MDC1: variants seen among roughly 807,000 people sequenced by gnomAD.
The protein encoded by MDC1 is mediator of DNA damage checkpoint protein 1.
A neutral mutation model predicts 142.5 loss-of-function variants in MDC1; 81 were observed. That is an observed-to-expected ratio of 0.57 (90% CI 0.47 to 0.68). The LOEUF (loss-of-function observed/expected upper bound fraction) is 0.68, where lower values mean the gene tolerates loss of function less well. Among genes scored for constraint, MDC1 ranks in the 30% least tolerant of loss-of-function variants. The pLI is 0.00. For synonymous variants in MDC1, 797 were observed against 968.4 expected (o/e 0.82, Z 3.29); for missense variants, 2,119 against 2,547.9 (o/e 0.83, Z 3.62).
chr6:30,708,966 G>A (rs1774402219), intron 7 of MDC1, among the ~76,000 whole-genome samples: 1 of 150,308 alleles, frequency 6.7e-6, no homozygotes, highest in Non-Finnish European at 1.5e-5. Flanking sequence ...GAGTGACAGA[G>A]ACCCTGTCTC....
rs1371318631 is a variant in MDC1, at chr6:30,702,829, C to T, written c.5914G>A (p.Asp1972Asn). ...FLPPDEYVVT[D>N]PEQEKNFGFS... ...CCAAAGTTCTTCTCTTGCTCAGGGT[C>T]GGTCACCACATATTCATCCGGGGGT... The change falls in exon 13 of 15, where the codon GAC (aspartate) becomes AAC (asparagine). Residue 1972 changes from aspartate to asparagine, a missense_variant. Physicochemically the swap from Asp to Asn is conservative, Grantham distance 23. Coordinates refer to ENST00000376406, the MANE Select transcript of MDC1 (RefSeq NM_014641.3). 14 of 1,612,996 alleles carry T rather than the reference C, an allele frequency of 8.7e-6. No individual in the cohort carries two copies. The highest frequency in any genetic ancestry group is 2.7e-5 in the African/African-American group (2 of 74,918).
chr6:30,713,105 C>T lies in MDC1; in HGVS notation c.837G>A (p.Gly279=). ...TCACCCCAGCTGGAACCACCCCATTCCCTGCACCCCTCTTGACTTTTGTAT... is the reference window on the plus strand; with the variant it reads ...TCACCCCAGCTGGAACCACCCCATTTCCTGCACCCCTCTTGACTTTTGTAT... ...DNDTKVKRGA[G]NGVVPAGVIL... The change falls in exon 5 of 15, where the codon GGG becomes GGA. Residue 279 remains glycine (G), a synonymous_variant. Coordinates refer to ENST00000376406, the MANE Select transcript of MDC1 (RefSeq NM_014641.3). This position sits in a 1 kb window ranked among gnomAD's most constrained non-coding sequence, Gnocchi z 4.9. The T allele has an allele frequency of 6.2e-7, 1 of 1,613,138 alleles. No individual in the cohort carries two copies. The highest frequency in any genetic ancestry group is 1.1e-5 in the South Asian group (1 of 91,086).
rs1387622112 is a variant in MDC1, at chr6:30,707,871, TTC to T, written c.2706_2707del (p.Lys903ThrfsTer13). On this transcript the variant is annotated frameshift_variant, in exon 8 of 15. Transcript: ENST00000376406. LOFTEE classifies it high-confidence loss of function. ...TGGAAGGGTCTGCTTCTGTACTTGTTTCTCTTGTATTTCCTCAGATGTCTCAA... is the reference window on the plus strand; with the variant it reads ...TGGAAGGGTCTGCTTCTGTACTTGTTTCTTGTATTTCCTCAGATGTCTCAA... The T allele has an allele frequency of 6.2e-7, 1 of 1,613,110 alleles. No individual in the cohort carries two copies. Among genetic ancestry groups the T allele is most frequent in the Non-Finnish European group, 8.5e-7 (1 of 1,180,034 alleles).
chr6:30,705,318 G>T lies in MDC1; in HGVS notation c.3865C>A (p.Pro1289Thr), dbSNP rs564228391. ...KTPEPVVPTA[P>T]ELRPSTSTDR... ...GTGGAGGTGGAAGGCCGGAGCTCAGGGGCTGTGGGCACAACTGGTTCAGGG... is the reference window on the plus strand; with the variant it reads ...GTGGAGGTGGAAGGCCGGAGCTCAGTGGCTGTGGGCACAACTGGTTCAGGG... The change falls in exon 10 of 15, where the codon CCT becomes ACT. Residue 1289 changes from proline (P) to threonine (T), a missense_variant. Transcript: ENST00000376406. The T allele has an allele frequency of 2.8e-5, 45 of 1,603,504 alleles. No individual in the cohort carries two copies. The highest frequency in any genetic ancestry group is 2.3e-4 in the East Asian group (10 of 43,584).
At position 30,712,554 on chromosome 6, in the gene MDC1, G is replaced by GGAAAT. The variant is rs1303646104; in HGVS notation, c.1387_1388insATTTC (p.Pro463HisfsTer78). The stretch of plus-strand genomic sequence containing the variant: ...GAGGACAGCTTCTCTATTTTCCACT[G>GGAAAT]GGAGCTCTTCCTCCTCCACGTCTGT... On this transcript the variant is annotated frameshift_variant, in exon 5 of 15. Coordinates refer to ENST00000376406, the MANE Select transcript of MDC1 (RefSeq NM_014641.3). LOFTEE classifies it high-confidence loss of function. This position sits in a 1 kb window ranked among gnomAD's most constrained non-coding sequence, Gnocchi z 4.7. The GGAAAT allele has an allele frequency of 6.2e-7, 1 of 1,613,034 alleles. No homozygotes were observed. The highest frequency in any genetic ancestry group is 1.1e-5 in the South Asian group (1 of 91,070).
chr6:30,705,339 C>T lies in MDC1; in HGVS notation c.3844G>A (p.Glu1282Lys). 6.2e-7 allele frequency: 1 copy of T among 1,603,682 alleles called. No homozygotes were observed. Among genetic ancestry groups the T allele is most frequent in the Non-Finnish European group, 8.5e-7 (1 of 1,176,212 alleles). ...RKNRSSVKTPEPVVPTAPELR... is the reference protein window; with the variant it reads ...RKNRSSVKTPKPVVPTAPELR... ...TCAGGGGCTGTGGGCACAACTGGTTCAGGGGTCTTGACAGAGGATCTATTT... is the reference window on the plus strand; with the variant it reads ...TCAGGGGCTGTGGGCACAACTGGTTTAGGGGTCTTGACAGAGGATCTATTT... Residue 1282 changes from glutamate (E) to lysine (K), a missense_variant, in exon 10 of 15, where the codon GAA becomes AAA. Coordinates refer to ENST00000376406, the MANE Select transcript of MDC1 (RefSeq NM_014641.3).
chr6:30,706,174 T>C (rs886339402), intron 9 of MDC1, 76 bp from the exon 10 acceptor site: 5 of 1,275,336 alleles, frequency 3.9e-6, no homozygotes, highest in Non-Finnish European at 5.4e-6. Context: ...TCTTGATACT[T>C]GTTTATGGTT....
At chr6:30,714,513 A>AT (rs201352106) in intron 2 of MDC1, among the ~76,000 whole-genome samples, 3,972 of 141,580 alleles carry the variant, frequency 0.028, 67 homozygotes, top group Middle Eastern at 0.074. Context: ...ATTTTATTTG[A>AT]TTTTTTTTTT....
At chr6:30,702,294 A>G (rs1424543760) in intron 14 of MDC1, among the ~76,000 whole-genome samples, 1 of 151,284 alleles carries the variant, frequency 6.6e-6, no homozygotes, top group East Asian at 1.9e-4. Context: ...AAATCAAAGG[A>G]AAAAAGGGAT....
chr6:30,713,891 G>A lies in MDC1; in HGVS notation c.429C>T (p.Gly143=). 2 of 1,613,834 alleles carry A rather than the reference G, an allele frequency of 1.2e-6. No homozygotes were observed. Among genetic ancestry groups the A allele is most frequent in the South Asian group, 1.1e-5 (1 of 91,080 alleles). Residue 143 remains glycine (G), a synonymous_variant, in exon 3 of 15, where the codon GGC becomes GGT. Coordinates refer to ENST00000376406, the MANE Select transcript of MDC1 (RefSeq NM_014641.3). The surrounding 1 kb of genome is among the most constrained non-coding windows in gnomAD (Gnocchi z 4.9). Reference sequence around the variant, plus strand: ...TGGGTGTCTCTTCTACTGTCAGAGGGCCCCGGGAGACAAAGGGCAGAGAGA... The same window carrying A: ...TGGGTGTCTCTTCTACTGTCAGAGGACCCCGGGAGACAAAGGGCAGAGAGA... ...LDVSLPFVSR[G]PLTVEETPRV... is the part of the protein sequence containing the mutation.
intron 7 of MDC1, among the ~76,000 whole-genome samples, chr6:30,708,595 T>C (rs2127697389): frequency 6.6e-6 from 1 of 152,184 alleles, no homozygotes; most frequent in African/African-American, 2.4e-5. Context: ...GGCTCAGACA[T>C]GTAATCCCAG....
chr6:30,703,697 C>T lies in MDC1; in HGVS notation c.5486G>A (p.Arg1829Lys). The change falls in exon 10 of 15, where the codon AGA becomes AAA. Residue 1829 changes from arginine (R) to lysine (K), a missense_variant. Coordinates refer to ENST00000376406, the MANE Select transcript of MDC1 (RefSeq NM_014641.3). This position sits in a 1 kb window ranked among gnomAD's most constrained non-coding sequence, Gnocchi z 4.4. ...CACTGTCTTCTGGGAGACTTCCCCT[C>T]TTTGGGGCTGTTTTTGATGTGGTGG... is the stretch of plus-strand genomic sequence containing the variant. ...DSPPHQKQPQ[R>K]GEVSQKTVII... The T allele has an allele frequency of 6.5e-7, 1 of 1,542,924 alleles. No homozygotes were observed. Among genetic ancestry groups the T allele is most frequent in the Non-Finnish European group, 8.7e-7 (1 of 1,149,642 alleles).
At position 30,707,827 on chromosome 6, in the gene MDC1, C is replaced by T. The variant is rs759668019; in HGVS notation, c.2752G>A (p.Glu918Lys). The change falls in exon 8 of 15, where the codon GAA becomes AAA. Residue 918 changes from glutamate to lysine, a missense_variant. By Grantham distance (56) the Glu-to-Lys change is moderately conservative. Coordinates refer to ENST00000376406, the MANE Select transcript of MDC1 (RefSeq NM_014641.3). ...QTLPSKAFER[E>K]VERPVANREC... ...CTGTTTGCTACTGGTCTCTCTACTT[C>T]TCTCTCAAATGCTTTGCTTGGAAGG... The T allele has an allele frequency of 3.7e-6, 6 of 1,613,124 alleles. No homozygotes were observed. The highest frequency in any genetic ancestry group is 1.7e-5 in the Admixed American group (1 of 60,024).
chr6:30,702,269 A>G (rs1469031045), intron 14 of MDC1, among the ~76,000 whole-genome samples: 1 of 150,854 alleles, frequency 6.6e-6, no homozygotes, highest in Non-Finnish European at 1.5e-5. Context: ...AAAAAAAAAA[A>G]AAAAAAAAAA....
rs1178733384 is a variant in MDC1, at chr6:30,709,869, C to T, written c.2222-1512G>A. 1.3e-5 allele frequency among the ~76,000 whole-genome samples: 2 copies of T among 152,136 alleles called. No individual in the cohort carries two copies. Among genetic ancestry groups the T allele is most frequent in the Non-Finnish European group, 1.5e-5 (1 of 68,030 alleles). On this transcript the variant is annotated intron_variant, in intron 7 of 14. Transcript: ENST00000376406. The surrounding 1 kb of genome is among the most constrained non-coding windows in gnomAD (Gnocchi z 4.2). ...TCTTCTGTTGCTGAATACTGTTCCA[C>T]TGTGTATATATACACATTTTCTTTT...
chr6:30,705,875 G>T lies in MDC1; in HGVS notation c.3308C>A (p.Pro1103Gln). The change falls in exon 10 of 15, where the codon CCA becomes CAA. Residue 1103 changes from proline to glutamine, a missense_variant. Pro to Gln is a moderately conservative substitution (Grantham distance 76). Coordinates refer to ENST00000376406, the MANE Select transcript of MDC1 (RefSeq NM_014641.3). ...PLSSELEPFH[P>Q]KPKIRTRKSS... is the part of the protein sequence containing the mutation. Reference sequence around the variant, plus strand: ...CTTCCGAGTTCTAATTTTAGGCTTTGGGTGGAAAGGCTCCAGCTCTGAGGA... The same window carrying T: ...CTTCCGAGTTCTAATTTTAGGCTTTTGGTGGAAAGGCTCCAGCTCTGAGGA... 1 of 1,610,996 alleles carries T rather than the reference G, an allele frequency of 6.2e-7. No homozygotes were observed.
rs1383460368 is a variant in MDC1 at position 30,703,651 on chromosome 6, T to TTCTTCC, written c.5526_5531dup (p.Glu1843_Glu1844dup). The TTCTTCC allele has an allele frequency of 6.4e-7, 1 of 1,566,476 alleles. No homozygotes were observed. The highest frequency in any genetic ancestry group is 8.6e-7 in the Non-Finnish European group (1 of 1,160,072). On this transcript the variant is annotated inframe_insertion, in exon 10 of 15. Transcript: ENST00000376406. This position sits in a 1 kb window ranked among gnomAD's most constrained non-coding sequence, Gnocchi z 4.4. ...CCTTCCCTGGCTTCTCTGCAGTATC[T>TTCTTCC]TCTTCCTCTTCCTTGATAATCACTG...
rs1775179797 is a variant in MDC1 at position 30,713,203 on chromosome 6, G to T, written c.739C>A (p.Gln247Lys). ...ARRGATVEAK[Q>K]SEAEVVTEIQ... ...TCAGTTACAACTTCAGCTTCAGACT[G>T]CTTTGCCTCTACAGTGGCACCTCTT... Residue 247 changes from glutamine (Q) to lysine (K), a missense_variant, in exon 5 of 15, where the codon CAG (glutamine) becomes AAG (lysine). Physicochemically the swap from Gln to Lys is moderately conservative, Grantham distance 53. Coordinates refer to ENST00000376406, the MANE Select transcript of MDC1 (RefSeq NM_014641.3). This position sits in a 1 kb window ranked among gnomAD's most constrained non-coding sequence, Gnocchi z 4.9. 1 of 1,613,066 alleles carries T rather than the reference G, an allele frequency of 6.2e-7. No homozygotes were observed. Among genetic ancestry groups the T allele is most frequent in the Non-Finnish European group, 8.5e-7 (1 of 1,180,012 alleles).
At position 30,705,749 on chromosome 6, in the gene MDC1, G is replaced by A. The variant is rs776695149; in HGVS notation, c.3434C>T (p.Ala1145Val). The A allele has an allele frequency of 3.1e-6, 5 of 1,612,630 alleles. No homozygotes were observed. The highest frequency in any genetic ancestry group is 3.3e-5 in the Admixed American group (2 of 59,914). The change falls in exon 10 of 15, where the codon GCC becomes GTC. Residue 1145 changes from alanine (A) to valine (V), a missense_variant. Physicochemically the swap from Ala to Val is moderately conservative, Grantham distance 64. Transcript: ENST00000376406. ...QPVTPKPTSQ[A>V]TRSRTNRSSV... The stretch of plus-strand genomic sequence containing the variant: ...GGACCTATTTGTCCTGCTCCTAGTG[G>A]CCTGAGATGTGGGCTTGGGAGTGAC...
Sources: gnomAD v4.1 joint callset for allele counts (sites outside exome capture counted in the v4.1 genomes callset) on GRCh38, gnomAD v4.1.1 for gene constraint, Gnocchi (gnomAD v3.1) non-coding constraint, MANE v1.5 for transcripts, NCBI Gene and HGNC (gene_info 2026-07-23, HGNC 2026-07-21) for gene names.